Variants in COL25A1 observed in about 807,000 individuals in gnomAD.
COL25A1 encodes the protein collagen type XXV alpha 1 chain.
Under a neutral mutation model 128.4 loss-of-function variants are expected in COL25A1, and 103 were observed. That is an observed-to-expected ratio of 0.80 (90% CI 0.68 to 0.94). COL25A1 has a LOEUF of 0.94. Among genes scored for constraint, COL25A1 ranks in the 40% least tolerant of loss-of-function variants. COL25A1 has a pLI of 0.00. For synonymous variants in COL25A1, 279 were observed against 277.2 expected (o/e 1.01, Z -0.06); for missense variants, 745 against 840.0 (o/e 0.89, Z 1.40).
intron 3 of COL25A1, among the ~76,000 whole-genome samples, chr4:109,117,804 T>C (rs1286665676): frequency 6.6e-6 from 1 of 151,990 alleles, no homozygotes; most frequent in Non-Finnish European, 1.5e-5. Flanking sequence ...ATAAGTTATT[T>C]GCACTATCTG....
intron 6 of COL25A1, among the ~76,000 whole-genome samples, chr4:109,009,964 T>C (rs1756421481): frequency 6.6e-6 from 1 of 152,214 alleles, no homozygotes; most frequent in African/African-American, 2.4e-5. Flanking sequence ...AAGTAGCTAG[T>C]AGGATCACAG....
chr4:109,021,206 A>T (rs1346243325), intron 5 of COL25A1, among the ~76,000 whole-genome samples: 1 of 152,176 alleles, frequency 6.6e-6, no homozygotes, highest in Non-Finnish European at 1.5e-5. Context: ...TCTGGTGAGA[A>T]GAAGAGGAAG....
chr4:108,933,515 T>C (rs1011141744), intron 11 of COL25A1, among the ~76,000 whole-genome samples: 4 of 152,166 alleles, frequency 2.6e-5, no homozygotes, highest in Non-Finnish European at 5.9e-5. Context: ...ACACTCTTAA[T>C]TGCACTATTT....
chr4:109,213,301 G>T (rs953783580), intron 3 of COL25A1, among the ~76,000 whole-genome samples: 2 of 152,064 alleles, frequency 1.3e-5, no homozygotes, highest in African/African-American at 4.8e-5. Context: ...CAGCTGCAAA[G>T]TATGCAACAC....
At chr4:109,094,125 T>TA (rs1253900651) in intron 3 of COL25A1, among the ~76,000 whole-genome samples, 1 of 152,228 alleles carries the variant, frequency 6.6e-6, no homozygotes, top group African/African-American at 2.4e-5. Context: ...CAAGATTTTG[T>TA]AAAACCTTTC....
chr4:109,196,458 TAG>T (rs1010699384), intron 3 of COL25A1, among the ~76,000 whole-genome samples: 28 of 152,316 alleles, frequency 1.8e-4, no homozygotes, highest in African/African-American at 5.5e-4. Context: ...TATGTTTACA[TAG>T]AGAGTATATG....
At chr4:109,242,512 C>A (rs1241497752) in intron 3 of COL25A1, among the ~76,000 whole-genome samples, 3 of 152,046 alleles carry the variant, frequency 2.0e-5, no homozygotes, top group Non-Finnish European at 2.9e-5. Flanking sequence ...TAAGATGGAG[C>A]TTGAACTGGA....
chr4:108,816,291 A>G (rs1404041534), intron 37 of COL25A1, among the ~76,000 whole-genome samples: 1 of 152,158 alleles, frequency 6.6e-6, no homozygotes, highest in Non-Finnish European at 1.5e-5. Context: ...TCACCAATGG[A>G]GTTGCTAAGG....
chr4:108,874,876 G>GT (rs1000448641), intron 19 of COL25A1, among the ~76,000 whole-genome samples: 8 of 151,844 alleles, frequency 5.3e-5, no homozygotes, highest in Admixed American at 1.3e-4. Context: ...ACTTTAATCC[G>GT]TTTTTTTTCC....
chr4:109,120,325 A>G (rs534129258), intron 3 of COL25A1, among the ~76,000 whole-genome samples: 2 of 152,264 alleles, frequency 1.3e-5, no homozygotes, highest in East Asian at 3.9e-4. Context: ...GTTGGGAAGG[A>G]AAAAATAAAA....
chr4:108,938,948 T>TTTTTTCAGAAAATTTTTTCAG (rs1185156133), intron 10 of COL25A1, among the ~76,000 whole-genome samples: 2 of 152,270 alleles, frequency 1.3e-5, no homozygotes, highest in African/African-American at 4.8e-5. Flanking sequence ...CTGAAAATTT[T>TTTTTTCAGAAAATTTTTTCAG]AAAACAAGTT....
intron 8 of COL25A1, among the ~76,000 whole-genome samples, chr4:108,958,654 C>T (rs1750336835): frequency 6.6e-6 from 1 of 151,924 alleles, no homozygotes; most frequent in African/African-American, 2.4e-5. Flanking sequence ...AATTAAAAGA[C>T]TAAAATTCAT....
chr4:109,135,701 C>T (rs1769671734), intron 3 of COL25A1, among the ~76,000 whole-genome samples: 1 of 152,090 alleles, frequency 6.6e-6, no homozygotes. Flanking sequence ...CTGCCACACA[C>T]ATCTACTTAT....
intron 22 of COL25A1, 115 bp downstream of exon 22, chr4:108,862,386 C>T (rs188864879): frequency 4.2e-4 from 332 of 785,154 alleles, no homozygotes; most frequent in Non-Finnish European, 6.7e-4. Flanking sequence ...TATTGCAGTT[C>T]CACTGTGTGA....
intron 32 of COL25A1, among the ~76,000 whole-genome samples, chr4:108,831,965 A>G (rs1414868228): frequency 6.6e-6 from 1 of 152,202 alleles, no homozygotes; most frequent in Non-Finnish European, 1.5e-5. Flanking sequence ...AGGTTTCATT[A>G]TTTCCTTTGG....
chr4:108,961,241 T>A lies in COL25A1; in HGVS notation c.492+13126A>T, dbSNP rs530140179. 1.1e-3 allele frequency among the ~76,000 whole-genome samples: 168 copies of A among 152,294 alleles called. 1 individual carries two copies. The highest frequency in any genetic ancestry group is 5.4e-3 in the South Asian group (26 of 4,824). ...ACAACTCTGCTTCATAAAGACATTA[T>A]TGGTGAGTGTAATTATGAGTAAGTA... On this transcript the variant is annotated intron_variant, in intron 8 of 37. Coordinates refer to ENST00000399132, the MANE Select transcript of COL25A1 (RefSeq NM_198721.4).
At chr4:109,273,873 T>C (rs1332406928) in intron 3 of COL25A1, among the ~76,000 whole-genome samples, 1 of 152,158 alleles carries the variant, frequency 6.6e-6, no homozygotes, top group Admixed American at 6.6e-5. Context: ...ACAATTAATA[T>C]GAGATCAATT....
rs370338769 is a variant in COL25A1, at chr4:108,931,533, T to C, written c.708+6275A>G. On this transcript the variant is annotated intron_variant, in intron 11 of 37. Coordinates refer to ENST00000399132, the MANE Select transcript of COL25A1 (RefSeq NM_198721.4). ...CATAATCATGCTTCTAGATCACTGT[T>C]GAAAATGCTCCCCAAGATGACATTT... 3.0e-4 allele frequency among the ~76,000 whole-genome samples: 45 copies of C among 152,322 alleles called. No homozygotes were observed. The South Asian group carries it at 9.3e-3, about 32-fold the overall frequency.
chr4:109,142,598 G>A (rs527671617), intron 3 of COL25A1, among the ~76,000 whole-genome samples: 131 of 151,986 alleles, frequency 8.6e-4, no homozygotes, highest in South Asian at 2.3e-3. Flanking sequence ...CGGTGCTCCC[G>A]TATTGGGTGC....
Sources: gnomAD v4.1 joint callset for allele counts (sites outside exome capture counted in the v4.1 genomes callset) on GRCh38, gnomAD v4.1.1 for gene constraint, MANE v1.5 for transcripts, NCBI Gene and HGNC (gene_info 2026-07-23, HGNC 2026-07-21) for gene names.